HPCAL4: variants seen among roughly 807,000 people sequenced by gnomAD.
HPCAL4 encodes the protein hippocalcin like 4, also known as hippocalcin-like protein 4.
HPCAL4 carries 16 observed loss-of-function variants against 18.2 expected under a neutral mutation model. The observed-to-expected ratio is 0.88, with a 90% CI of 0.59 to 1.33. HPCAL4 has a LOEUF of 1.33. Among genes scored for constraint, HPCAL4 ranks in the 40% most tolerant of loss-of-function variants. The probability of loss-of-function intolerance (pLI) is 0.00; values close to 1 mark genes in which losing one functional copy is unlikely to be tolerated. For synonymous variants in HPCAL4, 80 were observed against 97.5 expected (o/e 0.82, Z 1.06); for missense variants, 214 against 256.6 (o/e 0.83, Z 1.14).
chr1:39,683,406 G>A (rs963499601), intron 3 of HPCAL4, among the ~76,000 whole-genome samples: 2 of 152,108 alleles, frequency 1.3e-5, no homozygotes, highest in African/African-American at 2.4e-5. Flanking sequence ...AGCATGGAAC[G>A]CTTTCCCCCA....
At chr1:39,690,425 C>T (rs1646709165) in intron 1 of HPCAL4, among the ~76,000 whole-genome samples, 1 of 152,218 alleles carries the variant, frequency 6.6e-6, no homozygotes, top group South Asian at 2.1e-4. Context: ...GGCACCTTGG[C>T]AAGGTCCCCA....
At position 39,682,030 on chromosome 1, in the gene HPCAL4, C is replaced by T. The variant is rs784630; in HGVS notation, c.*506G>A. ...CAAACAGGTGCTCAGTAATCATTAG[C>T]TGAAGAAAGGACTGAATGAACGCTC... On this transcript the variant is annotated 3_prime_UTR_variant, in exon 4 of 4. Transcript: ENST00000372844. 0.02 allele frequency: 3,229 copies of T among 164,964 alleles called. 128 individuals are homozygous for T. The highest frequency in any genetic ancestry group is 0.073 in the African/African-American group (3,033 of 41,728). The allele number at this position is 164,964 out of a possible 1,614,324, so 10.2% of individuals were successfully genotyped here. A position where few individuals can be genotyped will look rare whatever the true frequency, so the allele number is the denominator to read the frequency against.
intron 3 of HPCAL4, among the ~76,000 whole-genome samples, chr1:39,683,666 C>G (rs188383853): frequency 6.6e-6 from 1 of 152,242 alleles, no homozygotes; most frequent in South Asian, 2.1e-4. Context: ...GAGTTGAAAA[C>G]ATCAGCTATG....
chr1:39,683,257 A>G (rs989496857), intron 3 of HPCAL4, among the ~76,000 whole-genome samples: 28 of 152,148 alleles, frequency 1.8e-4, no homozygotes, highest in African/African-American at 6.8e-4. Context: ...CTCCGTGGAG[A>G]CCTTACTGAT....
intron 3 of HPCAL4, 91 bp from the exon 4 acceptor site, chr1:39,682,824 T>C (rs966467690): frequency 1.9e-5 from 18 of 936,456 alleles, no homozygotes; most frequent in Middle Eastern, 2.5e-4. Flanking sequence ...GGGAGAACAC[T>C]GGGGGTTGGT....
rs1646620635 is a variant in HPCAL4, at chr1:39,680,893, C to T, written c.*1643G>A. 6.5e-6 allele frequency: 1 copy of T among 152,694 alleles called. No individual in the cohort carries two copies. Among genetic ancestry groups the T allele is most frequent in the Non-Finnish European group, 1.5e-5 (1 of 68,078 alleles). 9.5% of individuals were successfully genotyped at this position (152,694 alleles called of 1,614,324 possible). On this transcript the variant is annotated 3_prime_UTR_variant, in exon 4 of 4. Transcript: ENST00000372844. ...CAGGAGTGAGGAGCATGCTGCATCT[C>T]TTTCCTGCAGATGCAATTCCCCTGC...
Position 39,684,578 on chromosome 1 carries a change from G to A in HPCAL4, c.26C>T (p.Ala9Val), listed in dbSNP as rs1376435094. 9 of 1,607,226 alleles carry A rather than the reference G, an allele frequency of 5.6e-6. No individual in the cohort carries two copies. Among genetic ancestry groups the A allele is most frequent in the Non-Finnish European group, 6.8e-6 (8 of 1,176,672 alleles). The change falls in exon 2 of 4, where the codon GCC becomes GTC. Residue 9 changes from alanine (A) to valine (V), a missense_variant. Transcript: ENST00000372844. ...AACAAGGTCCTCCAGCACCTCGGGG[G>A]CCAGCTTGCTGTTGGTCTTCCCCAT... MGKTNSKL[A>V]PEVLEDLVQN...
At chr1:39,687,902 C>CAAAAAA (rs201550064) in intron 1 of HPCAL4, among the ~76,000 whole-genome samples, 4 of 101,704 alleles carry the variant, frequency 3.9e-5, no homozygotes, top group African/African-American at 1.4e-4. Context: ...GACCCTGTCT[C>CAAAAAA]AAAAAAAAAA....
rs1272071271 is a variant in HPCAL4, at chr1:39,684,143, A to G, written c.172T>C (p.Tyr58His). ...TGCGCGAACTTGGAGGCGTCGCCGT[A>G]GGGGAAGAACTGAGGGGGGTGCGGT... ...FQQLYIKFFP[Y>H]GDASKFAQHA... Residue 58 changes from tyrosine (Y) to histidine (H), a missense_variant, in exon 3 of 4, where the codon TAC becomes CAC. By Grantham distance (83) the Tyr-to-His change is moderately conservative. Coordinates refer to ENST00000372844, the MANE Select transcript of HPCAL4 (RefSeq NM_016257.4). The G allele has an allele frequency of 1.3e-6, 2 of 1,599,504 alleles. No individual in the cohort carries two copies. Among genetic ancestry groups the G allele is most frequent in the South Asian group, 2.2e-5 (2 of 90,822 alleles).
In HPCAL4 at chr1:39,683,933, G is replaced by T; in HGVS notation, c.378+4C>A. 1 of 1,612,166 alleles carries T rather than the reference G, an allele frequency of 6.2e-7. No homozygotes were observed. ...GGAACAGCAGCGCCCGCGCGGCCCC[G>T]CACCTCGATGATCTCCAGCATCTCC... On this transcript the variant is annotated splice_donor_region_variant and intron_variant, in intron 3 of 3. Coordinates refer to ENST00000372844, the MANE Select transcript of HPCAL4 (RefSeq NM_016257.4).
chr1:39,679,884 T>C lies in HPCAL4; in HGVS notation c.*2652A>G, dbSNP rs1646610378. 6.6e-6 allele frequency: 1 copy of C among 152,438 alleles called. No homozygotes were observed. 9.4% of individuals were successfully genotyped at this position (152,438 alleles called of 1,614,324 possible). On this transcript the variant is annotated 3_prime_UTR_variant, in exon 4 of 4. Coordinates refer to ENST00000372844, the MANE Select transcript of HPCAL4 (RefSeq NM_016257.4). ...AGCAAAAATCACCCATGGGTATGTG[T>C]GTCCAGAAGCCTGGAGTAATCAAAC...
chr1:39,687,840 C>T (rs1646687973), intron 1 of HPCAL4, among the ~76,000 whole-genome samples: 1 of 151,948 alleles, frequency 6.6e-6, no homozygotes. Flanking sequence ...GAGGTTGAGG[C>T]TGCAGTGAGC....
At chr1:39,686,042 A>G (rs1416477225) in intron 1 of HPCAL4, among the ~76,000 whole-genome samples, 4 of 139,738 alleles carry the variant, frequency 2.9e-5, no homozygotes, top group East Asian at 4.5e-4. Context: ...TTAGCCAGGC[A>G]TGGTGGCGGG....
At chr1:39,684,176 G>GGCGCA in intron 2 of HPCAL4, 24 bp from the exon 3 acceptor site, 2 of 1,579,448 alleles carry the variant, frequency 1.3e-6, no homozygotes, top group East Asian at 4.5e-5. Context: ...GGTGGGTTGG[G>GGCGCA]GCGCAGCGAC....
intron 1 of HPCAL4, among the ~76,000 whole-genome samples, chr1:39,689,677 G>T (rs1197065361): frequency 1.3e-5 from 2 of 152,186 alleles, no homozygotes; most frequent in African/African-American, 4.8e-5. Flanking sequence ...CAAAACCATT[G>T]TCCCAGTGTG....
Position 39,684,158 on chromosome 1 carries a change from G to A in HPCAL4, c.163-6C>T, listed in dbSNP as rs1223626886. On this transcript the variant is annotated splice_region_variant and splice_polypyrimidine_tract_variant and intron_variant, in intron 2 of 3. Transcript: ENST00000372844. Reference sequence around the variant, plus strand: ...GCGTCGCCGTAGGGGAAGAACTGAGGGGGGTGCGGTGGGTTGGGGCGCAGC... The same window carrying A: ...GCGTCGCCGTAGGGGAAGAACTGAGAGGGGTGCGGTGGGTTGGGGCGCAGC... 2 of 1,610,860 alleles carry A rather than the reference G, an allele frequency of 1.2e-6. No homozygotes were observed. Among genetic ancestry groups the A allele is most frequent in the African/African-American group, 1.3e-5 (1 of 74,938 alleles).
intron 1 of HPCAL4, among the ~76,000 whole-genome samples, chr1:39,686,121 C>T (rs6675787): frequency 0.3 from 43,470 of 145,640 alleles, 6,619 homozygotes; most frequent in Middle Eastern, 0.33. Context: ...GCGGAGCTTG[C>T]GGTGAGCCGA....
At chr1:39,683,739 T>A (rs1646646646) in intron 3 of HPCAL4, among the ~76,000 whole-genome samples, 198 bp downstream of exon 3, 1 of 152,130 alleles carries the variant, frequency 6.6e-6, no homozygotes, top group South Asian at 2.1e-4. Flanking sequence ...AAATGGGGTT[T>A]GGGACAGTAA....
At position 39,682,373 on chromosome 1, in the gene HPCAL4, C is replaced by T. The variant is rs1307398879; in HGVS notation, c.*163G>A. The T allele has an allele frequency of 4.7e-6, 3 of 634,170 alleles. No homozygotes were observed. In the Admixed American group the frequency reaches 8.1e-5, roughly 17 times the overall value. 39.3% of individuals were successfully genotyped at this position (634,170 alleles called of 1,614,324 possible). The stretch of plus-strand genomic sequence containing the variant: ...TCTCTTTTGCAGGGTGAGGTGGTCC[C>T]TCAAAGATCTTGATGGAGGGGAGGA... On this transcript the variant is annotated 3_prime_UTR_variant, in exon 4 of 4. Transcript: ENST00000372844.
Sources: allele counts gnomAD v4.1 joint callset (sites outside exome capture counted in the v4.1 genomes callset), GRCh38; gene constraint gnomAD v4.1.1; transcripts MANE v1.5; gene names NCBI Gene and HGNC (gene_info 2026-07-23, HGNC 2026-07-21).